Variants in MAGI2 observed in about 807,000 individuals in gnomAD.
MAGI2 encodes membrane associated guanylate kinase, WW and PDZ domain containing 2.
MAGI2 carries 35 observed loss-of-function variants against 133.3 expected under a neutral mutation model. That is an observed-to-expected ratio of 0.26 (90% CI 0.20 to 0.35). The LOEUF (loss-of-function observed/expected upper bound fraction) is 0.35, where lower values mean the gene tolerates loss of function less well. Among genes scored for constraint, MAGI2 ranks in the 10% least tolerant of loss-of-function variants. The pLI, the probability that MAGI2 is intolerant of heterozygous loss-of-function variation, is 1.00. For synonymous variants in MAGI2, 729 were observed against 710.6 expected, an observed-to-expected ratio of 1.03 and a Z score of -0.41; for missense variants, 1,636 against 1,863.4, an observed-to-expected ratio of 0.88 and a Z score of 2.25.
chr7:79,173,043 A>G (rs892382983), intron 1 of MAGI2: 6 of 152,072 alleles, frequency 3.9e-5, no homozygotes, highest in East Asian at 1.9e-4. Flanking sequence ...ATATAATTCT[A>G]TAACTTTAAA....
At chr7:79,329,318 A>G (rs1377674684) in intron 1 of MAGI2, among the ~76,000 whole-genome samples, 1 of 152,264 alleles carries the variant, frequency 6.6e-6, no homozygotes, top group African/African-American at 2.4e-5. Context: ...CACATTAAAA[A>G]TGACTGTTTT....
intron 2 of MAGI2, among the ~76,000 whole-genome samples, chr7:78,845,245 T>C (rs183253852): frequency 6.6e-6 from 1 of 152,044 alleles, no homozygotes; most frequent in East Asian, 1.9e-4. Context: ...ATGAAAGCAA[T>C]AGTGCAATAT....
At chr7:78,547,172 C>A (rs1439086997) in intron 3 of MAGI2, among the ~76,000 whole-genome samples, 1 of 152,142 alleles carries the variant, frequency 6.6e-6, no homozygotes, top group African/African-American at 2.4e-5. Flanking sequence ...ACCAAACTTC[C>A]AGATAAAGAC....
rs144086191 is a variant in MAGI2 at position 78,035,488 on chromosome 7, G to A, written c.3707-15512C>T. The stretch of plus-strand genomic sequence containing the variant: ...TGGACCTGCCCAGTGTGGGGATTCT[G>A]AAATCTCCTTTAACCTCTTCCTTTC... On this transcript the variant is annotated intron_variant, in intron 21 of 21. Coordinates refer to ENST00000354212, the MANE Select transcript of MAGI2 (RefSeq NM_012301.4). Among the ~76,000 whole-genome samples the A allele has an allele frequency of 9.8e-5, 15 of 152,326 alleles. No homozygotes were observed. In the East Asian group the frequency reaches 2.9e-3, roughly 29 times the overall value.
intron 2 of MAGI2, among the ~76,000 whole-genome samples, chr7:78,688,081 G>C (rs546536438): frequency 6.7e-6 from 1 of 148,664 alleles, no homozygotes; most frequent in South Asian, 2.2e-4. Flanking sequence ...AAAATAATGT[G>C]TTAATCACAT....
intron 9 of MAGI2, among the ~76,000 whole-genome samples, chr7:78,306,800 G>A (rs1798275068): frequency 6.6e-6 from 1 of 152,094 alleles, no homozygotes; most frequent in African/African-American, 2.4e-5. Flanking sequence ...GAAAGTCATT[G>A]GTATGGTTTT....
At chr7:78,857,025 G>T (rs898989173) in intron 2 of MAGI2, among the ~76,000 whole-genome samples, 7 of 152,162 alleles carry the variant, frequency 4.6e-5, no homozygotes, top group Admixed American at 1.3e-4. Flanking sequence ...TTGTGAATGG[G>T]AGTTCACTCA....
intron 5 of MAGI2, among the ~76,000 whole-genome samples, chr7:78,490,882 C>T (rs894779155): frequency 6.6e-6 from 1 of 151,856 alleles, no homozygotes; most frequent in South Asian, 2.1e-4. Context: ...AGCAAAGGCA[C>T]AGGTGTGGGA....
Position 78,034,684 on chromosome 7 carries a change from C to T in MAGI2, c.3707-14708G>A, listed in dbSNP as rs567082720. On this transcript the variant is annotated intron_variant, in intron 21 of 21. Coordinates refer to ENST00000354212, the MANE Select transcript of MAGI2 (RefSeq NM_012301.4). ...CTGGTACTACAGTTGTGCACCACCA[C>T]GCCTGGCTAATTTTTGTATTTTTAG... Among the ~76,000 whole-genome samples, 41 of 152,202 alleles carry T rather than the reference C, an allele frequency of 2.7e-4. No individual in the cohort carries two copies. In the Middle Eastern group the frequency reaches 0.01, roughly 38 times the overall value.
intron 2 of MAGI2, among the ~76,000 whole-genome samples, chr7:78,922,618 G>T (rs1383088014): frequency 6.6e-6 from 1 of 152,132 alleles, no homozygotes; most frequent in Non-Finnish European, 1.5e-5. Context: ...TTGGTTCCAA[G>T]TCTTTGCTAT....
At chr7:78,880,818 A>G (rs539276) in intron 2 of MAGI2, among the ~76,000 whole-genome samples, 92,407 of 151,584 alleles carry the variant, frequency 0.61, 29,452 homozygotes, top group Middle Eastern at 0.75. Flanking sequence ...TCCTGCTATC[A>G]TCAAGAGACC....
chr7:78,387,476 G>A (rs1583832941), intron 6 of MAGI2, among the ~76,000 whole-genome samples: 1 of 152,066 alleles, frequency 6.6e-6, no homozygotes. Context: ...AGCCTGACAG[G>A]GAATTTGAAC....
chr7:78,588,860 G>A lies in MAGI2; in HGVS notation c.538+38260C>T, dbSNP rs948669825. Among the ~76,000 whole-genome samples the A allele has an allele frequency of 2.0e-5, 3 of 152,150 alleles. No individual in the cohort carries two copies. In the East Asian group the frequency reaches 5.8e-4, roughly 29 times the overall value. Reference sequence around the variant, plus strand: ...CTGATTAAAAAGATAGGATTTTAGAGCTGAAAAGCACCTCCGAATTCATCT... The same window carrying A: ...CTGATTAAAAAGATAGGATTTTAGAACTGAAAAGCACCTCCGAATTCATCT... On this transcript the variant is annotated intron_variant, in intron 3 of 21. Coordinates refer to ENST00000354212, the MANE Select transcript of MAGI2 (RefSeq NM_012301.4).
intron 1 of MAGI2, chr7:79,352,024 T>C (rs1207064439): frequency 1.3e-5 from 2 of 152,216 alleles, no homozygotes; most frequent in Admixed American, 6.5e-5. Flanking sequence ...AGGAATGTTG[T>C]ATACTTTTCC....
intron 1 of MAGI2, among the ~76,000 whole-genome samples, chr7:79,081,082 C>T (rs1196822050): frequency 5.9e-5 from 9 of 152,090 alleles, no homozygotes; most frequent in Admixed American, 1.3e-4. Flanking sequence ...TACTCTATCA[C>T]CCACCCAACC....
At chr7:78,652,784 G>T (rs1029956540) in intron 2 of MAGI2, among the ~76,000 whole-genome samples, 1 of 152,092 alleles carries the variant, frequency 6.6e-6, no homozygotes, top group Admixed American at 6.5e-5. Context: ...ATTGACAAAT[G>T]GGTTCTAATT....
In MAGI2 at chr7:78,533,630, T is replaced by C. The variant is rs550068043; in HGVS notation, c.539-11985A>G. On this transcript the variant is annotated intron_variant, in intron 3 of 21. Transcript: ENST00000354212. ...TGTTGAGGACTTGAAATGTGGCTAG[T>C]TCGAGTTGAGATGTGCTGTAAATAT... 2.6e-5 allele frequency among the ~76,000 whole-genome samples: 4 copies of C among 152,322 alleles called. No individual in the cohort carries two copies. In the East Asian group the frequency reaches 7.7e-4, roughly 29 times the overall value.
intron 2 of MAGI2, among the ~76,000 whole-genome samples, chr7:78,955,580 A>C (rs1399783922): frequency 2.0e-5 from 3 of 152,038 alleles, no homozygotes; most frequent in African/African-American, 7.2e-5. Flanking sequence ...TGGGTAGTAC[A>C]TACTTTCATA....
chr7:78,093,128 TC>T (rs1180833850), intron 20 of MAGI2, among the ~76,000 whole-genome samples: 2 of 88,974 alleles, frequency 2.2e-5, no homozygotes, highest in African/African-American at 9.8e-5. Flanking sequence ...AGAGCGGGAC[TC>T]CTTCTCCAAA....
Sources: allele counts gnomAD v4.1 joint callset (sites outside exome capture counted in the v4.1 genomes callset), GRCh38; gene constraint gnomAD v4.1.1; transcripts MANE v1.5; gene names NCBI Gene and HGNC (gene_info 2026-07-23, HGNC 2026-07-21).